SLC2A9: variants seen among roughly 807,000 people sequenced by gnomAD.
SLC2A9 encodes solute carrier family 2 member 9, also known as solute carrier family 2, facilitated glucose transporter member 9.
Under a neutral mutation model 50.6 loss-of-function variants are expected in SLC2A9, and 39 were observed. The ratio of observed to expected loss-of-function variants is 0.77; its 90% CI spans 0.60 to 1.01. The LOEUF (loss-of-function observed/expected upper bound fraction) is 1.01, where lower values mean the gene tolerates loss of function less well. Ranked by LOEUF, SLC2A9 falls within the 50% of genes least tolerant of loss-of-function variation. SLC2A9 has a pLI of 0.00. For missense variants in SLC2A9, 686 were observed against 677.6 expected, an observed-to-expected ratio of 1.01 and a Z score of -0.14; for synonymous variants, 324 against 276.9, an observed-to-expected ratio of 1.17 and a Z score of -1.69.
At chr4:9,806,961 C>T (rs1722202147) in intron 3 of SLC2A9, among the ~76,000 whole-genome samples, 1 of 152,198 alleles carries the variant, frequency 6.6e-6, no homozygotes, top group Non-Finnish European at 1.5e-5. Context: ...CGATTTCCTC[C>T]TGAGTCCCCT....
chr4:9,782,698 A>G (rs1718631120), intron 3 of SLC2A9: 1 of 1,613,984 alleles, frequency 6.2e-7, no homozygotes, highest in Non-Finnish European at 8.5e-7. Context: ...GCCTGAATCG[A>G]ACCTACGCCA....
intron 5 of SLC2A9, among the ~76,000 whole-genome samples, chr4:9,963,217 C>CA (rs1752549744): frequency 6.6e-6 from 1 of 152,180 alleles, no homozygotes; most frequent in Non-Finnish European, 1.5e-5. Flanking sequence ...GGCTTATTCA[C>CA]TACCATGAGA....
At chr4:9,850,901 C>T (rs1270898396) in intron 10 of SLC2A9, among the ~76,000 whole-genome samples, 1 of 152,154 alleles carries the variant, frequency 6.6e-6, no homozygotes, top group East Asian at 1.9e-4. Flanking sequence ...CACAAATGGA[C>T]ACTGGCAACC....
chr4:9,876,578 G>A (rs1054162078), intron 10 of SLC2A9, among the ~76,000 whole-genome samples: 1 of 151,900 alleles, frequency 6.6e-6, no homozygotes, highest in African/African-American at 2.4e-5. Flanking sequence ...GTGACAGAGC[G>A]AGACCCTATC....
Position 9,908,283 on chromosome 4 carries a change from G to A in SLC2A9, c.1065C>T (p.Tyr355=), listed in dbSNP as rs760956353. 127 of 1,613,962 alleles carry A rather than the reference G, an allele frequency of 7.9e-5. No homozygotes were observed. The highest frequency in any genetic ancestry group is 1.0e-4 in the Non-Finnish European group (119 of 1,179,970). ...KAGIPPAKIP[Y]VTLSTGGIET... The stretch of plus-strand genomic sequence containing the variant: ...CGATGCCCCCTGTACTCAAGGTGAC[G>A]TATGGGATCTTTGCCGGAGGGATCC... The change falls in exon 8 of 12, where the codon TAC becomes TAT. Residue 355 remains tyrosine (Y), a synonymous_variant. Transcript: ENST00000264784.
At chr4:9,947,402 C>T (rs1400676054) in intron 5 of SLC2A9, among the ~76,000 whole-genome samples, 1 of 152,170 alleles carries the variant, frequency 6.6e-6, no homozygotes, top group African/African-American at 2.4e-5. Flanking sequence ...GCACTCAGCT[C>T]CCTGATAAGG....
intron 11 of SLC2A9, among the ~76,000 whole-genome samples, chr4:9,830,590 C>G (rs2109109282): frequency 6.6e-6 from 1 of 152,334 alleles, no homozygotes; most frequent in Non-Finnish European, 1.5e-5. Context: ...TCTGCTTAGG[C>G]ACTCAGGATA....
At chr4:9,824,223 C>T (rs57731161), downstream of SLC2A9, among the ~76,000 whole-genome samples, 32,905 of 151,866 alleles carry the variant, frequency 0.22, 3,686 homozygotes, top group Admixed American at 0.28. Flanking sequence ...TTCCCTTTGC[C>T]GCCTCAGGAC....
At chr4:9,877,285 C>G (rs934068935) in intron 10 of SLC2A9, among the ~76,000 whole-genome samples, 2 of 152,218 alleles carry the variant, frequency 1.3e-5, no homozygotes, top group Non-Finnish European at 1.5e-5. Context: ...CTAAGCACCC[C>G]ATCCCAGGCA....
intron 5 of SLC2A9, among the ~76,000 whole-genome samples, chr4:9,979,940 A>G (rs554285974): frequency 6.6e-6 from 1 of 150,652 alleles, no homozygotes; most frequent in African/African-American, 2.5e-5. Context: ...TCACCTGCCT[A>G]ACTCCTGCTT....
chr4:9,973,548 C>A (rs1323826926), intron 5 of SLC2A9, among the ~76,000 whole-genome samples: 1 of 151,950 alleles, frequency 6.6e-6, no homozygotes, highest in Non-Finnish European at 1.5e-5. Flanking sequence ...ATGAAGAGTT[C>A]ATGTCCTTTG....
At chr4:9,945,152 G>A (rs958704492) in intron 5 of SLC2A9, among the ~76,000 whole-genome samples, 1 of 152,242 alleles carries the variant, frequency 6.6e-6, no homozygotes, top group African/African-American at 2.4e-5. Context: ...GCCAGGATCA[G>A]GGCAACCTAG....
intron 3 of SLC2A9, among the ~76,000 whole-genome samples, chr4:9,811,650 G>A (rs1408112697): frequency 6.6e-6 from 1 of 152,132 alleles, no homozygotes; most frequent in Non-Finnish European, 1.5e-5. Context: ...GACACCACAG[G>A]GATCCACAGG....
chr4:9,855,658 G>C (rs1340204555), intron 10 of SLC2A9, among the ~76,000 whole-genome samples: 1 of 151,924 alleles, frequency 6.6e-6, no homozygotes, highest in Non-Finnish European at 1.5e-5. Flanking sequence ...ACATAGCCCA[G>C]ATCCTAAGCA....
chr4:10,032,911 C>G (rs1763981188), intron 1 of SLC2A9, among the ~76,000 whole-genome samples: 1 of 152,144 alleles, frequency 6.6e-6, no homozygotes, highest in Non-Finnish European at 1.5e-5. Context: ...GCTGAGTCAC[C>G]AATTCTTTGT....
At chr4:9,832,850 C>G (rs969496697) in intron 11 of SLC2A9, among the ~76,000 whole-genome samples, 1 of 152,160 alleles carries the variant, frequency 6.6e-6, no homozygotes, top group African/African-American at 2.4e-5. Flanking sequence ...TCAGTGAACA[C>G]TATACTAAAG....
chr4:9,879,851 C>T (rs1734913684), intron 10 of SLC2A9: 1 of 985,312 alleles, frequency 1.0e-6, no homozygotes, highest in African/African-American at 1.7e-5. Flanking sequence ...TTAGACTTCC[C>T]TGCCACTGCC....
chr4:9,890,537 G>T, intron 9 of SLC2A9, 73 bp downstream of exon 9: 2 of 1,384,640 alleles, frequency 1.4e-6, no homozygotes, highest in Non-Finnish European at 2.1e-6. Context: ...ACAAATCAAA[G>T]GCCCCAAAAC....
At chr4:9,932,392 A>G (rs1027223433) in intron 6 of SLC2A9, among the ~76,000 whole-genome samples, 12 of 152,200 alleles carry the variant, frequency 7.9e-5, no homozygotes, top group African/African-American at 2.9e-4. Flanking sequence ...GTAAAATAGG[A>G]AAAGTGTCCC....
Sources: allele counts gnomAD v4.1 joint callset (sites outside exome capture counted in the v4.1 genomes callset), GRCh38; gene constraint gnomAD v4.1.1; transcripts MANE v1.5; gene names NCBI Gene and HGNC (gene_info 2026-07-23, HGNC 2026-07-21).